ZC3H12B: variants seen among roughly 807,000 people sequenced by gnomAD.
ZC3H12B encodes the protein probable ribonuclease ZC3H12B.
Under a neutral mutation model 43.9 loss-of-function variants are expected in ZC3H12B, and 7 were observed. That is an observed-to-expected ratio of 0.16 (90% CI 0.09 to 0.30). The LOEUF is 0.30. Among genes scored for constraint, ZC3H12B ranks in the 10% least tolerant of loss-of-function variants. The pLI is 1.00. For missense variants in ZC3H12B, 475 were observed against 670.2 expected (o/e 0.71, Z 3.22); for synonymous variants, 222 against 241.7 (o/e 0.92, Z 0.76).
chrX:65,370,729 A>G (rs1189732477), intron 2 of ZC3H12B, among the ~76,000 whole-genome samples: 2 of 111,948 alleles, frequency 1.8e-5, no homozygotes, highest in Non-Finnish European at 3.8e-5. Flanking sequence ...ATTGCCTTCT[A>G]GGTCATTCTC....
intron 2 of ZC3H12B, among the ~76,000 whole-genome samples, chrX:65,370,139 G>T (rs759259047): frequency 1.8e-5 from 2 of 112,311 alleles, no homozygotes; most frequent in African/African-American, 3.2e-5. Context: ...TCGAAGAAAG[G>T]TTAAGATATG....
the ZC3H12B span, among the ~76,000 whole-genome samples, chrX:65,039,181 C>T: frequency 9.0e-6 from 1 of 111,658 alleles, no homozygotes; most frequent in Admixed American, 9.5e-5. Flanking sequence ...CACAGTTATT[C>T]TCTCAGTATC....
chrX:65,131,141 G>A, the ZC3H12B span, among the ~76,000 whole-genome samples: 1 of 111,643 alleles, frequency 9.0e-6, no homozygotes, highest in Non-Finnish European at 1.9e-5. Flanking sequence ...TCGAGTTAAG[G>A]CAAAGAGTTT....
At chrX:65,243,054 TGTCA>T in the ZC3H12B span, among the ~76,000 whole-genome samples, 1 of 112,057 alleles carries the variant, frequency 8.9e-6, no homozygotes, top group Non-Finnish European at 1.9e-5. Flanking sequence ...TTCCCCAGTA[TGTCA>T]GTCTGGGCAA....
intron 3 of ZC3H12B, among the ~76,000 whole-genome samples, chrX:65,404,098 G>A (rs1392014002): frequency 8.9e-6 from 1 of 111,918 alleles, no homozygotes; most frequent in Non-Finnish European, 1.9e-5. Context: ...TGAAAATAAA[G>A]TTATGGCATA....
the ZC3H12B span, among the ~76,000 whole-genome samples, chrX:65,180,706 G>A: frequency 2.3e-4 from 25 of 110,988 alleles, no homozygotes; most frequent in Non-Finnish European, 1.9e-5. Context: ...CAACTTAGAA[G>A]TTACGTGTAG....
At chrX:65,248,043 G>GA in the ZC3H12B span, among the ~76,000 whole-genome samples, 1 of 100,668 alleles carries the variant, frequency 9.9e-6, no homozygotes, top group Non-Finnish European at 1.9e-5. Context: ...GATTAGCCAC[G>GA]AAAAAAATTT....
At chrX:65,268,449 A>G in the ZC3H12B span, among the ~76,000 whole-genome samples, 15,950 of 111,584 alleles carry the variant, frequency 0.14, 2,734 homozygotes, top group African/African-American at 0.49. Context: ...CCAAAAAAAG[A>G]CACCAAAAGA....
At chrX:65,169,733 A>G in the ZC3H12B span, among the ~76,000 whole-genome samples, 3 of 111,967 alleles carry the variant, frequency 2.7e-5, no homozygotes, top group Non-Finnish European at 5.6e-5. Flanking sequence ...TTGGGTGCAT[A>G]TATATTAAGC....
At chrX:65,158,775 A>C in the ZC3H12B span, among the ~76,000 whole-genome samples, 71 of 111,552 alleles carry the variant, frequency 6.4e-4, no homozygotes, top group Admixed American at 1.3e-3. Context: ...TCTTTAGTTT[A>C]ATTAGATCCC....
At chrX:65,343,348 C>T in the ZC3H12B span, among the ~76,000 whole-genome samples, 1 of 111,804 alleles carries the variant, frequency 8.9e-6, no homozygotes, top group Non-Finnish European at 1.9e-5. Context: ...CATCCTGATA[C>T]CAAAACCTGT....
chrX:65,461,879 C>T lies in ZC3H12B; in HGVS notation n.408-26767C>T, dbSNP rs190511414. On this transcript the variant is annotated intron_variant and non_coding_transcript_variant, in intron 3 of 5. Transcript: ENST00000617377. Reference sequence around the variant, plus strand: ...ATAAAATAATAAAAAAAAATTTATACTCAAATAATTCAGGATTTTAAAAAA... The same window carrying T: ...ATAAAATAATAAAAAAAAATTTATATTCAAATAATTCAGGATTTTAAAAAA... Among the ~76,000 whole-genome samples the T allele has an allele frequency of 7.4e-4, 81 of 109,876 alleles. 2 individuals are homozygous for T. The East Asian group carries it at 0.02, about 27-fold the overall frequency.
chrX:65,313,163 G>A, the ZC3H12B span, among the ~76,000 whole-genome samples: 55 of 111,981 alleles, frequency 4.9e-4, no homozygotes, highest in Non-Finnish European at 8.6e-4. Context: ...TTACAGGCAT[G>A]AGCCACCATG....
chrX:65,154,265 T>A, the ZC3H12B span, among the ~76,000 whole-genome samples: 8 of 111,360 alleles, frequency 7.2e-5, no homozygotes, highest in East Asian at 5.6e-4. Flanking sequence ...TTAAAAAAAA[T>A]TTTCTCATGC....
chrX:65,162,223 G>T, the ZC3H12B span, among the ~76,000 whole-genome samples: 4 of 110,636 alleles, frequency 3.6e-5, no homozygotes, highest in Non-Finnish European at 1.9e-5. Flanking sequence ...TTCATCTTTG[G>T]TGAATCTGAC....
chrX:65,456,811 G>T (rs1428485718), intron 3 of ZC3H12B, among the ~76,000 whole-genome samples: 1 of 109,051 alleles, frequency 9.2e-6, no homozygotes, highest in Non-Finnish European at 1.9e-5. Context: ...CCTCCCAGCC[G>T]CCTGCCTTGG....
intron 2 of ZC3H12B, among the ~76,000 whole-genome samples, chrX:65,380,046 C>T (rs1210065158): frequency 8.9e-6 from 1 of 111,870 alleles, no homozygotes; most frequent in East Asian, 2.8e-4. Context: ...GGATATTATC[C>T]AAGAGAAATT....
the ZC3H12B span, among the ~76,000 whole-genome samples, chrX:65,300,818 C>T: frequency 9.0e-6 from 1 of 111,255 alleles, no homozygotes; most frequent in African/African-American, 3.3e-5. Flanking sequence ...TCACAGAGTC[C>T]ACTTCACTCC....
At chrX:65,461,716 G>A (rs886458001) in intron 3 of ZC3H12B, among the ~76,000 whole-genome samples, 1 of 111,307 alleles carries the variant, frequency 9.0e-6, no homozygotes, top group Non-Finnish European at 1.9e-5. Flanking sequence ...GTCTAGGTAG[G>A]GGGGAGGGAT....
Sources: gnomAD v4.1 joint callset for allele counts (sites outside exome capture counted in the v4.1 genomes callset) on GRCh38, gnomAD v4.1.1 for gene constraint, MANE v1.5 for transcripts, NCBI Gene and HGNC (gene_info 2026-07-23, HGNC 2026-07-21) for gene names.